Variants in PEBP4 observed in about 807,000 individuals in gnomAD.
PEBP4 encodes the protein phosphatidylethanolamine-binding protein 4.
PEBP4 carries 22 observed loss-of-function variants against 23.9 expected under a neutral mutation model. That is an observed-to-expected ratio of 0.92 (90% confidence interval 0.66 to 1.31). PEBP4 has a LOEUF of 1.31. PEBP4 is among the 40% of genes most tolerant of loss of function. The pLI is 0.00. For synonymous variants in PEBP4, 112 were observed against 99.3 expected (o/e 1.13, Z -0.76); for missense variants, 324 against 281.7 (o/e 1.15, Z -1.07).
At position 22,721,750 on chromosome 8, in the gene PEBP4, T is replaced by C. The variant is rs141354140; in HGVS notation, c.517+3093A>G. ...TGCTTCCTCCACGGATTCTCTCCCCTGGAGAGAAATCTAGATCAAGGCAAG... is the reference window on the plus strand; with the variant it reads ...TGCTTCCTCCACGGATTCTCTCCCCCGGAGAGAAATCTAGATCAAGGCAAG... On this transcript the variant is annotated intron_variant, in intron 6 of 6. Transcript: ENST00000256404. Among the ~76,000 whole-genome samples the C allele has an allele frequency of 5.2e-3, 788 of 152,160 alleles. 4 individuals are homozygous for C. Among genetic ancestry groups the C allele is most frequent in the African/African-American group, 0.018 (760 of 41,498 alleles).
intron 3 of PEBP4, among the ~76,000 whole-genome samples, chr8:22,898,375 G>T: frequency 8.6e-6 from 1 of 116,828 alleles, no homozygotes. Context: ...CTGAGCGACA[G>T]AGGAAGACTC....
intron 6 of PEBP4, among the ~76,000 whole-genome samples, chr8:22,716,051 C>T (rs1804412592): frequency 6.6e-6 from 1 of 152,076 alleles, no homozygotes. Context: ...CCAGGCTCTT[C>T]CTGGGACGAG....
At chr8:22,720,157 G>T (rs1348542726) in intron 6 of PEBP4, among the ~76,000 whole-genome samples, 1 of 152,206 alleles carries the variant, frequency 6.6e-6, no homozygotes, top group Non-Finnish European at 1.5e-5. Flanking sequence ...GGTGGAAGGG[G>T]GGCCGCCACG....
At chr8:22,918,700 G>C (rs1271647451) in intron 3 of PEBP4, among the ~76,000 whole-genome samples, 1 of 152,204 alleles carries the variant, frequency 6.6e-6, no homozygotes, top group Non-Finnish European at 1.5e-5. Flanking sequence ...CAAACCCCAA[G>C]ACAAGTGAAT....
intron 4 of PEBP4, among the ~76,000 whole-genome samples, chr8:22,765,116 T>TCCTTCCTTC (rs1805581975): frequency 6.9e-6 from 1 of 144,898 alleles, no homozygotes; most frequent in Non-Finnish European, 1.5e-5. Context: ...TTCCTTTATT[T>TCCTTCCTTC]CTTCCTTCCT....
chr8:22,841,794 C>G (rs1006225706), intron 3 of PEBP4, among the ~76,000 whole-genome samples: 1 of 152,232 alleles, frequency 6.6e-6, no homozygotes, highest in East Asian at 1.9e-4. Flanking sequence ...CCCAAAGGGC[C>G]GCTGAGACCT....
intron 4 of PEBP4, among the ~76,000 whole-genome samples, chr8:22,799,588 T>C (rs1806338239): frequency 6.6e-6 from 1 of 152,256 alleles, no homozygotes; most frequent in Non-Finnish European, 1.5e-5. Flanking sequence ...AGTTCTAGGA[T>C]ACATGTGCAC....
intron 4 of PEBP4, among the ~76,000 whole-genome samples, chr8:22,748,047 G>T (rs534532234): frequency 1.2e-3 from 188 of 152,328 alleles, no homozygotes; most frequent in African/African-American, 4.4e-3. Context: ...CAGACTCTTA[G>T]TCAACTTCAG....
At chr8:22,862,840 A>G (rs1475873779) in intron 3 of PEBP4, among the ~76,000 whole-genome samples, 2 of 132,506 alleles carry the variant, frequency 1.5e-5, no homozygotes, top group African/African-American at 2.9e-5. Context: ...TCGCTCTGTC[A>G]CCCAGGCTGG....
intron 3 of PEBP4, among the ~76,000 whole-genome samples, chr8:22,890,681 G>A (rs565318432): frequency 3.9e-5 from 6 of 152,236 alleles, no homozygotes; most frequent in Non-Finnish European, 8.8e-5. Flanking sequence ...GTAGCAGGCA[G>A]TGTGGCGCAC....
At chr8:22,753,041 C>T (rs1225857096) in intron 4 of PEBP4, among the ~76,000 whole-genome samples, 1 of 152,218 alleles carries the variant, frequency 6.6e-6, no homozygotes, top group Non-Finnish European at 1.5e-5. Flanking sequence ...TCAGATTCCT[C>T]ACTTGCCTGT....
chr8:22,820,320 C>T (rs1806832128), intron 3 of PEBP4, among the ~76,000 whole-genome samples: 1 of 152,074 alleles, frequency 6.6e-6, no homozygotes, highest in South Asian at 2.1e-4. Flanking sequence ...CAGTTGTGTC[C>T]TTTTTAACTG....
intron 4 of PEBP4, among the ~76,000 whole-genome samples, chr8:22,798,851 C>T (rs953254195): frequency 2.0e-5 from 3 of 148,418 alleles, no homozygotes; most frequent in African/African-American, 7.4e-5. Context: ...GATTCTCCTG[C>T]CTCAGCCTTC....
At chr8:22,925,791 C>T (rs1238959917) in intron 2 of PEBP4, among the ~76,000 whole-genome samples, 1 of 152,192 alleles carries the variant, frequency 6.6e-6, no homozygotes, top group African/African-American at 2.4e-5. Context: ...TGTACCCTGG[C>T]CCAGCTGACC....
At chr8:22,901,375 T>C (rs908960757) in intron 3 of PEBP4, among the ~76,000 whole-genome samples, 1 of 151,966 alleles carries the variant, frequency 6.6e-6, no homozygotes, top group African/African-American at 2.4e-5. Flanking sequence ...GTCAGCAGAG[T>C]CCTAGGCCTC....
rs1340455198 is a variant in PEBP4 at position 22,719,914 on chromosome 8, G to A, written c.517+4929C>T. Among the ~76,000 whole-genome samples, 3 of 152,224 alleles carry A rather than the reference G, an allele frequency of 2.0e-5. No individual in the cohort carries two copies. The East Asian group carries it at 5.8e-4, about 29-fold the overall frequency. ...CACTTGTGGGCATGGTACTCACAGAGGTGGCTGCCTTCTCAGGTGCTGAGG... is the reference window on the plus strand; with the variant it reads ...CACTTGTGGGCATGGTACTCACAGAAGTGGCTGCCTTCTCAGGTGCTGAGG... On this transcript the variant is annotated intron_variant, in intron 6 of 6. Transcript: ENST00000256404.
intron 6 of PEBP4, among the ~76,000 whole-genome samples, chr8:22,716,046 C>A (rs559780150): frequency 1.3e-5 from 2 of 152,278 alleles, no homozygotes; most frequent in Non-Finnish European, 2.9e-5. Flanking sequence ...CTAGGCCAGG[C>A]TCTTCCTGGG....
At chr8:22,919,915 C>G (rs1241877599) in intron 3 of PEBP4, among the ~76,000 whole-genome samples, 2 of 152,206 alleles carry the variant, frequency 1.3e-5, no homozygotes, top group Admixed American at 1.3e-4. Flanking sequence ...AGCCAAGGAG[C>G]TCCCAGAGCA....
chr8:22,773,271 C>T (rs939823273), intron 4 of PEBP4, among the ~76,000 whole-genome samples: 15 of 152,272 alleles, frequency 9.9e-5, no homozygotes, highest in East Asian at 1.9e-4. Flanking sequence ...AAAGGCAGTT[C>T]GCTCAAGCAC....
Sources: gnomAD v4.1 joint callset for allele counts (sites outside exome capture counted in the v4.1 genomes callset) on GRCh38, gnomAD v4.1.1 for gene constraint, MANE v1.5 for transcripts, NCBI Gene and HGNC (gene_info 2026-07-23, HGNC 2026-07-21) for gene names.